LETM1: variants seen among roughly 807,000 people sequenced by gnomAD.
LETM1 encodes mitochondrial proton/calcium exchanger protein.
In LETM1, 50 loss-of-function variants were observed where a neutral mutation model predicts 74.5. That is an observed-to-expected ratio of 0.67 (90% CI 0.53 to 0.85). LETM1 has a LOEUF of 0.85. Among genes scored for constraint, LETM1 ranks in the 40% least tolerant of loss-of-function variants. The pLI is 0.00. For missense variants in LETM1, 824 were observed against 967.8 expected, an observed-to-expected ratio of 0.85 and a Z score of 1.97; for synonymous variants, 446 against 407.1, an observed-to-expected ratio of 1.10 and a Z score of -1.15.
At position 1,855,888 on chromosome 4, in the gene LETM1, A is replaced by G; in HGVS notation, c.63T>C (p.Pro21=). The change falls in exon 1 of 14, where the codon CCT becomes CCC. Residue 21 remains proline (P), a synonymous_variant. Transcript: ENST00000302787. Reference sequence around the variant, plus strand: ...GCTTACCCCGCGGGACGGTGTACCGAGGCGGCGGCGGGAGGCGGGCGGGCG... The same window carrying G: ...GCTTACCCCGCGGGACGGTGTACCGGGGCGGCGGCGGGAGGCGGGCGGGCG... ...GRAPARLPPP[P]RYTVPRGSPG... is the part of the protein sequence containing the mutation. The G allele has an allele frequency of 8.1e-7, 1 of 1,238,512 alleles. No individual in the cohort carries two copies. Among genetic ancestry groups the G allele is most frequent in the Non-Finnish European group, 1.0e-6 (1 of 993,784 alleles). The allele number at this position is 1,238,512 out of a possible 1,614,324, so 76.7% of individuals were successfully genotyped here. A position where few individuals can be genotyped will look rare whatever the true frequency, so the allele number is the denominator to read the frequency against.
In LETM1 at chr4:1,814,103, G is replaced by C. The variant is rs1167519260; in HGVS notation, c.*321C>G. ...TCTTCCCTGGGGACAGGGCAGCACAGTCAGATGCTGAGACTGAGGCCACAC... is the reference window on the plus strand; with the variant it reads ...TCTTCCCTGGGGACAGGGCAGCACACTCAGATGCTGAGACTGAGGCCACAC... On this transcript the variant is annotated 3_prime_UTR_variant, in exon 14 of 14. Coordinates refer to ENST00000302787, the MANE Select transcript of LETM1 (RefSeq NM_012318.3). 5.3e-6 allele frequency: 2 copies of C among 377,776 alleles called. No homozygotes were observed. The highest frequency in any genetic ancestry group is 1.0e-5 in the Non-Finnish European group (2 of 198,528). 23.4% of individuals were successfully genotyped at this position (377,776 alleles called of 1,614,324 possible). A position where few individuals can be genotyped will look rare whatever the true frequency, so the allele number is the denominator to read the frequency against.
intron 1 of LETM1, 28 bp downstream of exon 1, chr4:1,855,841 G>T: frequency 1.7e-6 from 2 of 1,204,766 alleles, no homozygotes; most frequent in Non-Finnish European, 2.1e-6. Flanking sequence ...CCGGGAGCCG[G>T]CCCCGCCCTG....
intron 6 of LETM1, among the ~76,000 whole-genome samples, chr4:1,829,935 T>A (rs1022830184): frequency 2.0e-5 from 3 of 152,352 alleles, no homozygotes; most frequent in Middle Eastern, 3.4e-3. Context: ...TCAGGGTTCA[T>A]TAGTTTGACT....
In LETM1 at chr4:1,822,171, GCCTCATTA is replaced by G. The variant is rs1711802777; in HGVS notation, c.1608+2_1608+9del. On this transcript the variant is annotated splice_donor_variant and splice_donor_5th_base_variant and intron_variant, in intron 10 of 13. Coordinates refer to ENST00000302787, the MANE Select transcript of LETM1 (RefSeq NM_012318.3). LOFTEE classifies it high-confidence loss of function. ...CTCAGCCTCCAGGGCCCCAGAACCT[GCCTCATTA>G]CCTTCAAGCCCTCCAGCACCGGGGC... 1.4e-6 allele frequency: 2 copies of G among 1,402,618 alleles called. No individual in the cohort carries two copies. The highest frequency in any genetic ancestry group is 1.9e-6 in the Non-Finnish European group (2 of 1,063,622). 86.9% of individuals were successfully genotyped at this position (1,402,618 alleles called of 1,614,324 possible). A position where few individuals can be genotyped will look rare whatever the true frequency, so the allele number is the denominator to read the frequency against.
chr4:1,847,766 G>C (rs1712932395), intron 2 of LETM1, among the ~76,000 whole-genome samples: 1 of 148,884 alleles, frequency 6.7e-6, no homozygotes, highest in Non-Finnish European at 1.5e-5. Context: ...AGAGGTTGCA[G>C]TGAGCCGAGA....
chr4:1,847,819 G>A (rs536751340), intron 2 of LETM1, among the ~76,000 whole-genome samples: 1 of 131,004 alleles, frequency 7.6e-6, no homozygotes, highest in South Asian at 2.4e-4. Flanking sequence ...AACAAAACTC[G>A]GTCTCAAAAA....
chr4:1,819,638 G>A lies in LETM1; in HGVS notation c.1609-166C>T, dbSNP rs531467903. On this transcript the variant is annotated intron_variant, in intron 10 of 13. Coordinates refer to ENST00000302787, the MANE Select transcript of LETM1 (RefSeq NM_012318.3). ...CCGCGGGGTTCAGGTTCACTGCTGC[G>A]CTGGCTGCTGCACGCAGTCACTGTC... is the stretch of plus-strand genomic sequence containing the variant. Among the ~76,000 whole-genome samples, 16 of 152,274 alleles carry A rather than the reference G, an allele frequency of 1.1e-4. 1 individual carries two copies. Among genetic ancestry groups the A allele is most frequent in the Admixed American group, 9.2e-4 (14 of 15,286 alleles).
At chr4:1,846,981 T>A (rs10030174) in intron 2 of LETM1, among the ~76,000 whole-genome samples, 12,291 of 152,116 alleles carry the variant, frequency 0.081, 1,704 homozygotes, top group African/African-American at 0.28. Flanking sequence ...ATGAAAAGAA[T>A]TAATGAAAAT....
chr4:1,819,788 C>T (rs1337898028), intron 10 of LETM1, among the ~76,000 whole-genome samples: 3 of 152,194 alleles, frequency 2.0e-5, no homozygotes, highest in Non-Finnish European at 4.4e-5. Context: ...CACTGGGTCC[C>T]GCCACCGACC....
At chr4:1,819,754 C>A (rs1003504570) in intron 10 of LETM1, among the ~76,000 whole-genome samples, 1 of 152,212 alleles carries the variant, frequency 6.6e-6, no homozygotes, top group East Asian at 1.9e-4. Context: ...CAAAGAGTCA[C>A]CTCCAAATGC....
At chr4:1,833,078 T>C in intron 5 of LETM1, 131 bp from the exon 6 acceptor site, 1 of 750,874 alleles carries the variant, frequency 1.3e-6, no homozygotes. Flanking sequence ...TTCTTCTTTT[T>C]TTTTTTTGTT....
Position 1,819,400 on chromosome 4 carries a change from ACTT to A in LETM1, c.1678_1680del (p.Lys560del), listed in dbSNP as rs749153275. ...AGCTCCTCCTTCTCCTTGGTGAGTG[ACTT>A]CTTCTGCTCCTGCAGCTTAGAGCAG... On this transcript the variant is annotated inframe_deletion, in exon 11 of 14. Coordinates refer to ENST00000302787, the MANE Select transcript of LETM1 (RefSeq NM_012318.3). 2.4e-5 allele frequency: 39 copies of A among 1,613,694 alleles called. No homozygotes were observed. The highest frequency in any genetic ancestry group is 2.9e-5 in the Non-Finnish European group (34 of 1,179,926).
intron 6 of LETM1, among the ~76,000 whole-genome samples, chr4:1,830,822 C>G (rs1211320413): frequency 6.6e-6 from 1 of 152,116 alleles, no homozygotes; most frequent in Admixed American, 6.5e-5. Flanking sequence ...TGCTTTTTCT[C>G]ATTCACTGAT....
intron 3 of LETM1, among the ~76,000 whole-genome samples, chr4:1,837,292 C>T (rs1712491952): frequency 6.6e-6 from 1 of 152,182 alleles, no homozygotes; most frequent in Non-Finnish European, 1.5e-5. Context: ...ATGTCCTCCT[C>T]CTCATCAGCC....
chr4:1,833,694 C>T (rs1166274707), intron 5 of LETM1: 3 of 152,402 alleles, frequency 2.0e-5, no homozygotes, highest in African/African-American at 7.2e-5. Context: ...GGACAAGCCA[C>T]CAGCTCAGTC....
intron 1 of LETM1, among the ~76,000 whole-genome samples, chr4:1,851,326 G>T (rs1022951025): frequency 6.6e-6 from 1 of 152,174 alleles, no homozygotes; most frequent in Non-Finnish European, 1.5e-5. Flanking sequence ...AGCAGCAAGT[G>T]CAGCTTTAAG....
At chr4:1,848,715 C>CAAAAAAAA (rs927486416) in intron 2 of LETM1, among the ~76,000 whole-genome samples, 1 of 43,896 alleles carries the variant, frequency 2.3e-5, no homozygotes, top group Non-Finnish European at 4.2e-5. Context: ...GGCTCTGTCT[C>CAAAAAAAA]AAAAAAAAAA....
chr4:1,836,514 A>G lies in LETM1; in HGVS notation c.653T>C (p.Val218Ala). The G allele has an allele frequency of 6.2e-7, 1 of 1,614,038 alleles. No homozygotes were observed. Among genetic ancestry groups the G allele is most frequent in the Non-Finnish European group, 8.5e-7 (1 of 1,179,996 alleles). Residue 218 changes from valine to alanine, a missense_variant, in exon 4 of 14, where the codon GTG becomes GCG. By Grantham distance (64) the Val-to-Ala change is moderately conservative. Transcript: ENST00000302787. This position sits in a 1 kb window ranked among gnomAD's most constrained non-coding sequence, Gnocchi z 5.8. Reference sequence around the variant, plus strand: ...AGGCAGCAGAAACTCCATGAACGGCACCACCACGAACACAAGGAACGGCAC... The same window carrying G: ...AGGCAGCAGAAACTCCATGAACGGCGCCACCACGAACACAAGGAACGGCAC... ...RLVPFLVFVV[V>A]PFMEFLLPVA...
intron 3 of LETM1, among the ~76,000 whole-genome samples, chr4:1,837,268 C>T (rs1712490255): frequency 6.6e-6 from 1 of 152,132 alleles, no homozygotes; most frequent in South Asian, 2.1e-4. Context: ...CAGGGAGACG[C>T]CCTGAGAGCA....
Sources: allele counts gnomAD v4.1 joint callset (sites outside exome capture counted in the v4.1 genomes callset), GRCh38; gene constraint gnomAD v4.1.1; non-coding constraint Gnocchi (gnomAD v3.1); transcripts MANE v1.5; gene names NCBI Gene and HGNC (gene_info 2026-07-23, HGNC 2026-07-21).